The following ADGRL3 variants were observed in gnomAD, a reference collection of about 807,000 sequenced individuals.
ADGRL3 encodes the protein adhesion G protein-coupled receptor L3, also known as calcium-independent alpha-latrotoxin receptor 3.
A neutral mutation model predicts 153.5 loss-of-function variants in ADGRL3; 62 were observed. The observed-to-expected ratio is 0.40, with a 90% confidence interval of 0.33 to 0.50. The LOEUF is 0.50. Among genes scored for constraint, ADGRL3 ranks in the 20% least tolerant of loss-of-function variants. The probability of loss-of-function intolerance (pLI) is 0.47; values close to 1 mark genes in which losing one functional copy is unlikely to be tolerated. For synonymous variants in ADGRL3, 710 were observed against 672.5 expected (o/e 1.06, Z -0.86); for missense variants, 1,641 against 1,859.4 (o/e 0.88, Z 2.16).
At chr4:61,290,343 C>A (rs1163156347) in intron 1 of ADGRL3, among the ~76,000 whole-genome samples, 1 of 152,018 alleles carries the variant, frequency 6.6e-6, no homozygotes, top group Admixed American at 6.6e-5. Flanking sequence ...AATTAAAATA[C>A]TTATGAAATT....
At chr4:61,816,864 C>G (rs1218563844) in intron 9 of ADGRL3, among the ~76,000 whole-genome samples, 1 of 152,186 alleles carries the variant, frequency 6.6e-6, no homozygotes, top group Non-Finnish European at 1.5e-5. Context: ...CATCCCTGAG[C>G]TCTCAGGGAC....
intron 1 of ADGRL3, among the ~76,000 whole-genome samples, chr4:61,359,294 A>T (rs2096246733): frequency 6.6e-6 from 1 of 152,158 alleles, no homozygotes; most frequent in Admixed American, 6.5e-5. Flanking sequence ...TCAACTTAAA[A>T]TATAAGTTGT....
chr4:61,844,299 G>A (rs935942573), intron 9 of ADGRL3, among the ~76,000 whole-genome samples: 10 of 151,230 alleles, frequency 6.6e-5, no homozygotes, highest in Non-Finnish European at 1.5e-4. Context: ...TGTAATCCCA[G>A]CACTTTGGGA....
At chr4:61,456,417 A>G (rs1477542432) in intron 2 of ADGRL3, among the ~76,000 whole-genome samples, 1 of 58,954 alleles carries the variant, frequency 1.7e-5, no homozygotes, top group Non-Finnish European at 4.0e-5. Context: ...ATATATATAG[A>G]TATATCTATA....
intron 6 of ADGRL3, among the ~76,000 whole-genome samples, chr4:61,689,279 C>T (rs1228123274): frequency 6.6e-6 from 1 of 152,122 alleles, no homozygotes. Flanking sequence ...AGGAGTTACC[C>T]ATGTCCATAA....
intron 11 of ADGRL3, among the ~76,000 whole-genome samples, chr4:61,903,651 A>G (rs1276855229): frequency 1.1e-4 from 1 of 8,760 alleles, no homozygotes; most frequent in Non-Finnish European, 4.6e-4. Context: ...GGGAAACAGC[A>G]AAAAAAAAAA....
intron 1 of ADGRL3, among the ~76,000 whole-genome samples, chr4:61,266,754 T>C (rs2092871040): frequency 6.6e-6 from 1 of 151,784 alleles, no homozygotes; most frequent in Non-Finnish European, 1.5e-5. Context: ...ATATATTTTA[T>C]GCTTAATACA....
At chr4:61,816,996 G>A (rs1399266771) in intron 9 of ADGRL3, among the ~76,000 whole-genome samples, 1 of 152,162 alleles carries the variant, frequency 6.6e-6, no homozygotes, top group East Asian at 1.9e-4. Flanking sequence ...GGGCATTGTT[G>A]CAACCTGACT....
At chr4:61,583,581 A>G (rs751455299) in intron 4 of ADGRL3, 16 of 471,252 alleles carry the variant, frequency 3.4e-5, no homozygotes, top group Non-Finnish European at 5.8e-5. Context: ...TGTGATCAAA[A>G]GCACTTTTCA....
chr4:62,010,840 T>G (rs2099182767), intron 21 of ADGRL3, among the ~76,000 whole-genome samples: 1 of 152,148 alleles, frequency 6.6e-6, no homozygotes, highest in Non-Finnish European at 1.5e-5. Flanking sequence ...AGGGATAAAA[T>G]TTTTAAAACT....
At chr4:61,834,655 T>C (rs893549167) in intron 9 of ADGRL3, among the ~76,000 whole-genome samples, 2 of 152,126 alleles carry the variant, frequency 1.3e-5, no homozygotes, top group Non-Finnish European at 2.9e-5. Context: ...ATAGTGAGAA[T>C]GGGAGTTGAC....
At chr4:62,006,018 A>G (rs867852939) in intron 21 of ADGRL3, among the ~76,000 whole-genome samples, 1,128 of 102,226 alleles carry the variant, frequency 0.011, 11 homozygotes, top group South Asian at 0.037. Flanking sequence ...ATATATATAT[A>G]TATATATATA....
intron 1 of ADGRL3, among the ~76,000 whole-genome samples, chr4:61,208,000 A>G (rs1477673769): frequency 1.3e-5 from 2 of 152,192 alleles, no homozygotes; most frequent in South Asian, 2.1e-4. Flanking sequence ...ATTATTTGGC[A>G]TTTTCATTAT....
At chr4:62,012,104 T>C (rs920132287) in intron 21 of ADGRL3, among the ~76,000 whole-genome samples, 3 of 152,162 alleles carry the variant, frequency 2.0e-5, no homozygotes, top group African/African-American at 7.2e-5. Flanking sequence ...TAAGTGATGT[T>C]AGACTGAAAG....
Position 61,372,966 on chromosome 4 carries a change from A to C in ADGRL3, c.-239-10158A>C, listed in dbSNP as rs1050193073. ...TTTAAGCCCGTCGGAAAAGCGCAGT[A>C]TTCGGGTGGGAGTGACCCGATTCTC... On this transcript the variant is annotated intron_variant, in intron 1 of 26. Coordinates refer to ENST00000683033, the MANE Select transcript of ADGRL3 (RefSeq NM_001387552.1). 2.6e-5 allele frequency among the ~76,000 whole-genome samples: 4 copies of C among 152,170 alleles called. No homozygotes were observed. The East Asian group carries it at 7.7e-4, about 29-fold the overall frequency.
intron 4 of ADGRL3, among the ~76,000 whole-genome samples, chr4:61,548,982 T>C (rs562080453): frequency 6.6e-6 from 1 of 152,224 alleles, no homozygotes; most frequent in East Asian, 1.9e-4. Flanking sequence ...TGGAGTGTTT[T>C]TCCATTTGTT....
At chr4:61,422,684 C>T (rs932032472) in intron 2 of ADGRL3, among the ~76,000 whole-genome samples, 2 of 151,976 alleles carry the variant, frequency 1.3e-5, no homozygotes, top group African/African-American at 4.8e-5. Context: ...TAGTAACACC[C>T]TGCTTGGGGG....
intron 6 of ADGRL3, among the ~76,000 whole-genome samples, chr4:61,694,897 G>C (rs2095612372): frequency 6.6e-6 from 1 of 152,172 alleles, no homozygotes; most frequent in South Asian, 2.1e-4. Flanking sequence ...ACCAGGATTA[G>C]AGTCCATCTC....
intron 6 of ADGRL3, among the ~76,000 whole-genome samples, chr4:61,704,404 G>A (rs1029890546): frequency 6.6e-6 from 1 of 152,166 alleles, no homozygotes; most frequent in Non-Finnish European, 1.5e-5. Flanking sequence ...TATTAAGTGT[G>A]CAATGGTATT....
Sources: allele counts gnomAD v4.1 joint callset (sites outside exome capture counted in the v4.1 genomes callset), GRCh38; gene constraint gnomAD v4.1.1; transcripts MANE v1.5; gene names NCBI Gene and HGNC (gene_info 2026-07-23, HGNC 2026-07-21).